Variants in OR7A10 observed in about 807,000 individuals in gnomAD.
The protein encoded by OR7A10 is olfactory receptor 7A10.
For synonymous variants in OR7A10, 144 were observed against 144.5 expected, an observed-to-expected ratio of 1.00 and a Z score of 0.02; for missense variants, 358 against 370.1, an observed-to-expected ratio of 0.97 and a Z score of 0.27.
chr19:14,841,348 A>G lies in OR7A10; in HGVS notation c.530T>C (p.Phe177Ser). ...PFCTHMEIPH[F>S]FCEINQVVHL... ...GACCACCTGATTAATTTCACAGAAAAAATGAGGGATTTCCATGTGTGTACA... is the reference window on the plus strand; with the variant it reads ...GACCACCTGATTAATTTCACAGAAAGAATGAGGGATTTCCATGTGTGTACA... Residue 177 changes from phenylalanine (F) to serine (S), a missense_variant, in exon 2 of 2, where the codon TTT (phenylalanine) becomes TCT (serine). Transcript: ENST00000641129. 1 of 1,614,176 alleles carries G rather than the reference A, an allele frequency of 6.2e-7. No homozygotes were observed. The highest frequency in any genetic ancestry group is 8.5e-7 in the Non-Finnish European group (1 of 1,180,020).
rs2044912916 is a variant in OR7A10, at chr19:14,841,549, A to T, written c.329T>A (p.Leu110Ter). 6.2e-7 allele frequency: 1 copy of T among 1,614,108 alleles called. No homozygotes were observed. Among genetic ancestry groups the T allele is most frequent in the South Asian group, 1.1e-5 (1 of 91,086 alleles). ...QMCFFLLFVG[L>*]DNFLLTVMAY... ...CATCACGGTCAGAAGGAAGTTATCC[A>T]ATCCTACAAAGAGTAAGAAAAAGCA... Residue 110 changes from leucine to a stop codon, truncating the protein, a stop_gained, in exon 2 of 2, where the codon TTG becomes TAG. Coordinates refer to ENST00000641129, the MANE Select transcript of OR7A10 (RefSeq NM_001005190.2). LOFTEE classifies it low-confidence loss of function (END_TRUNC).
chr19:14,844,893 C>A (rs2044934069), intron 1 of OR7A10, among the ~76,000 whole-genome samples: 1 of 151,530 alleles, frequency 6.6e-6, no homozygotes, highest in Non-Finnish European at 1.5e-5. Flanking sequence ...AAACTCCTGA[C>A]CTCAGGGGAT....
Position 14,841,314 on chromosome 19 carries a change from G to A in OR7A10, c.564C>T (p.Ala188=), listed in dbSNP as rs1157165840. ...TGTCATTAAGAAAGGTGTCAGAACAGGCAAGGTGGACCACCTGATTAATTT... is the reference window on the plus strand; with the variant it reads ...TGTCATTAAGAAAGGTGTCAGAACAAGCAAGGTGGACCACCTGATTAATTT... ...FCEINQVVHL[A]CSDTFLNDIV... Residue 188 remains alanine (A), a synonymous_variant, in exon 2 of 2, where the codon GCC becomes GCT. Transcript: ENST00000641129. 1 of 1,614,174 alleles carries A rather than the reference G, an allele frequency of 6.2e-7. No homozygotes were observed. The highest frequency in any genetic ancestry group is 8.5e-7 in the Non-Finnish European group (1 of 1,180,036).
Position 14,841,903 on chromosome 19 carries a change from AG to A in OR7A10, c.-12-15del. 1 of 1,428,190 alleles carries A rather than the reference AG, an allele frequency of 7.0e-7. No individual in the cohort carries two copies. Among genetic ancestry groups the A allele is most frequent in the Non-Finnish European group, 9.6e-7 (1 of 1,043,550 alleles). 88.5% of individuals were successfully genotyped at this position (1,428,190 alleles called of 1,614,324 possible). A position where few individuals can be genotyped will look rare whatever the true frequency, so the allele number is the denominator to read the frequency against. Reference sequence around the variant, plus strand: ...CTTGTGATGTGACTACCAGAGAGAGAGAGAGAGAGAGAGAGAGAGTGAAAGA... The same window carrying A: ...CTTGTGATGTGACTACCAGAGAGAGAAGAGAGAGAGAGAGAGAGTGAAAGA... On this transcript the variant is annotated splice_polypyrimidine_tract_variant and intron_variant, in intron 1 of 1. Coordinates refer to ENST00000641129, the MANE Select transcript of OR7A10 (RefSeq NM_001005190.2).
At chr19:14,843,083 C>G (rs1056035266) in intron 1 of OR7A10, among the ~76,000 whole-genome samples, 2 of 152,168 alleles carry the variant, frequency 1.3e-5, no homozygotes, top group Non-Finnish European at 1.5e-5. Flanking sequence ...TTAAAAAATG[C>G]TCAACGTCCC....
In OR7A10 at chr19:14,840,992, G is replaced by A; in HGVS notation, c.886C>T (p.His296Tyr). The change falls in exon 2 of 2, where the codon CAC becomes TAC. Residue 296 changes from histidine (H) to tyrosine (Y), a missense_variant. Coordinates refer to ENST00000641129, the MANE Select transcript of OR7A10 (RefSeq NM_001005190.2). ...AATGTTTTCATAGCACCCTTTATGT[G>A]TTTATTCCTCAGACTGTAGATGAAG... is the stretch of plus-strand genomic sequence containing the variant. ...NPFIYSLRNK[H>Y]IKGAMKTFFR... 6.2e-7 allele frequency: 1 copy of A among 1,613,532 alleles called. No individual in the cohort carries two copies. The highest frequency in any genetic ancestry group is 8.5e-7 in the Non-Finnish European group (1 of 1,179,776).
intron 1 of OR7A10, among the ~76,000 whole-genome samples, chr19:14,845,116 A>G (rs1423282847): frequency 1.3e-5 from 2 of 151,234 alleles, no homozygotes; most frequent in East Asian, 3.9e-4. Context: ...ACACATGTGC[A>G]TCACATCGTG....
rs1473641419 is a variant in OR7A10, at chr19:14,840,764, C to A, written c.*184G>T. The A allele has an allele frequency of 1.0e-5, 5 of 486,098 alleles. No homozygotes were observed. The highest frequency in any genetic ancestry group is 9.7e-5 in the African/African-American group (5 of 51,320). The allele number at this position is 486,098 out of a possible 1,614,324, so 30.1% of individuals were successfully genotyped here. ...AATTATATTCCGTCATATTTAAGGT[C>A]ATCTCTGACTCTAAGAAGAACAGTG... On this transcript the variant is annotated 3_prime_UTR_variant, in exon 2 of 2. Coordinates refer to ENST00000641129, the MANE Select transcript of OR7A10 (RefSeq NM_001005190.2).
chr19:14,844,664 G>GTTTTTTGTTTTTTTTTTT (rs1555697160), intron 1 of OR7A10, among the ~76,000 whole-genome samples: 4 of 97,664 alleles, frequency 4.1e-5, no homozygotes, highest in Admixed American at 1.4e-4. Context: ...TGAGTTCTGT[G>GTTTTTTGTTTTTTTTTTT]TTTTTTTTTT....
At chr19:14,843,755 CAGTG>C (rs1438453182) in intron 1 of OR7A10, among the ~76,000 whole-genome samples, 1 of 152,146 alleles carries the variant, frequency 6.6e-6, no homozygotes, top group Non-Finnish European at 1.5e-5. Flanking sequence ...GCTGTCTAGA[CAGTG>C]AGTAAGTGGT....
rs528830985 is a variant in OR7A10, at chr19:14,848,535, G to A, written c.-48C>T. The A allele has an allele frequency of 2.4e-4, 37 of 152,374 alleles. No individual in the cohort carries two copies. The highest frequency in any genetic ancestry group is 7.0e-4 in the African/African-American group (29 of 41,546). The allele number at this position is 152,374 out of a possible 1,614,324, so 9.4% of individuals were successfully genotyped here. On this transcript the variant is annotated 5_prime_UTR_variant, in exon 1 of 2. Transcript: ENST00000641129. ...TTTCTGAAATGAAGGTCTCAATCTA[G>A]AAGTGCAAATTCCTCCCTGGATGGT...
Position 14,840,841 on chromosome 19 carries a change from A to C in OR7A10, c.*107T>G, listed in dbSNP as rs2145094669. 1.3e-6 allele frequency: 1 copy of C among 754,304 alleles called. No homozygotes were observed. Among genetic ancestry groups the C allele is most frequent in the East Asian group, 2.6e-5 (1 of 38,280 alleles). 46.7% of individuals were successfully genotyped at this position (754,304 alleles called of 1,614,324 possible). A position where few individuals can be genotyped will look rare whatever the true frequency, so the allele number is the denominator to read the frequency against. On this transcript the variant is annotated 3_prime_UTR_variant, in exon 2 of 2. Transcript: ENST00000641129. ...AAAGAAGTTTAAACTCCAGGAAATA[A>C]ATGGAAGGGGCAAGTCTTCCTTCCA...
chr19:14,843,868 C>G (rs984746336), intron 1 of OR7A10, among the ~76,000 whole-genome samples: 7 of 152,022 alleles, frequency 4.6e-5, no homozygotes, highest in African/African-American at 1.7e-4. Flanking sequence ...ACAATGAGAA[C>G]ACATGGACAC....
rs571368647 is a variant in OR7A10 at position 14,848,623 on chromosome 19, C to T, written c.-136G>A. 6.6e-6 allele frequency: 1 copy of T among 152,226 alleles called. No individual in the cohort carries two copies. Among genetic ancestry groups the T allele is most frequent in the Non-Finnish European group, 1.5e-5 (1 of 68,068 alleles). 9.4% of individuals were successfully genotyped at this position (152,226 alleles called of 1,614,324 possible). ...AGTAGGAGAAAGGAAAGAATCAGTA[C>T]CCCTGAGCCAGCAGATATAGACTCC... On this transcript the variant is annotated 5_prime_UTR_variant, in exon 1 of 2. Transcript: ENST00000641129.
intron 1 of OR7A10, among the ~76,000 whole-genome samples, chr19:14,844,148 A>T (rs1403737235): frequency 1.3e-5 from 2 of 152,244 alleles, no homozygotes; most frequent in African/African-American, 4.8e-5. Flanking sequence ...GTAAAATACC[A>T]CATGCTATGT....
chr19:14,844,003 A>G (rs187300432), intron 1 of OR7A10, among the ~76,000 whole-genome samples: 1 of 152,274 alleles, frequency 6.6e-6, no homozygotes, highest in Admixed American at 6.5e-5. Context: ...GGGTGCAGCA[A>G]ACCACCATGG....
At chr19:14,846,684 T>C (rs1439174363) in intron 1 of OR7A10, among the ~76,000 whole-genome samples, 3 of 108,914 alleles carry the variant, frequency 2.8e-5, no homozygotes, top group Non-Finnish European at 5.1e-5. Flanking sequence ...CACTCCAGCC[T>C]GGGTGACAGA....
intron 1 of OR7A10, among the ~76,000 whole-genome samples, chr19:14,843,423 A>C (rs929406051): frequency 6.6e-6 from 1 of 152,188 alleles, no homozygotes; most frequent in Non-Finnish European, 1.5e-5. Flanking sequence ...GTCTTTTGAG[A>C]ATACAGTGTA....
At chr19:14,845,788 C>T (rs1036584397) in intron 1 of OR7A10, among the ~76,000 whole-genome samples, 2 of 152,170 alleles carry the variant, frequency 1.3e-5, no homozygotes, top group Admixed American at 1.3e-4. Context: ...GGGGTCTGTC[C>T]CTGTTGTCTG....
Sources: allele counts gnomAD v4.1 joint callset (sites outside exome capture counted in the v4.1 genomes callset), GRCh38; gene constraint gnomAD v4.1.1; transcripts MANE v1.5; gene names NCBI Gene and HGNC (gene_info 2026-07-23, HGNC 2026-07-21).